Variants in ME1 observed in about 807,000 individuals in gnomAD.
ME1 encodes NADP-dependent malic enzyme.
Under a neutral mutation model 66.4 loss-of-function variants are expected in ME1, and 74 were observed. The observed-to-expected ratio is 1.11, with a 90% CI of 0.92 to 1.35. The LOEUF (loss-of-function observed/expected upper bound fraction) is 1.35. Among genes scored for constraint, ME1 ranks in the 40% most tolerant of loss-of-function variants. The probability of loss-of-function intolerance (pLI) is 0.00; values close to 1 mark genes in which losing one functional copy is unlikely to be tolerated. For synonymous variants in ME1, 251 were observed against 235.6 expected (o/e 1.07, Z -0.60); for missense variants, 750 against 694.1 (o/e 1.08, Z -0.90).
rs780517275 is a variant in ME1 at position 83,265,455 on chromosome 6, C to T, written c.705-11717G>A. Among the ~76,000 whole-genome samples, 157 of 151,958 alleles carry T rather than the reference C, an allele frequency of 1.0e-3. 3 individuals are homozygous for T. The highest frequency in any genetic ancestry group is 4.6e-4 in the Admixed American group (7 of 15,268). ...GGGACCACAGGAGTGTGCCACCATG[C>T]CTGGCTAATTTTTCTTTTAATGTTT... is the stretch of plus-strand genomic sequence containing the variant. On this transcript the variant is annotated intron_variant, in intron 6 of 13. Coordinates refer to ENST00000369705, the MANE Select transcript of ME1 (RefSeq NM_002395.6).
intron 3 of ME1, among the ~76,000 whole-genome samples, chr6:83,395,529 G>A (rs1330223661): frequency 1.1e-4 from 17 of 150,346 alleles, no homozygotes; most frequent in African/African-American, 4.2e-4. Context: ...AGGCTAGAGT[G>A]CAGTGGCGTG....
intron 6 of ME1, among the ~76,000 whole-genome samples, chr6:83,299,777 C>A (rs1434643331): frequency 6.6e-6 from 1 of 152,128 alleles, no homozygotes; most frequent in Non-Finnish European, 1.5e-5. Context: ...TATGTGACAT[C>A]AATACCTAGT....
rs776590730 is a variant in ME1 at position 83,430,881 on chromosome 6, T to G, written c.74A>C (p.Asn25Thr). Residue 25 changes from asparagine to threonine, a missense_variant, in exon 1 of 14, where the codon AAC becomes ACC. Asn to Thr is a moderately conservative substitution (Grantham distance 65). Coordinates refer to ENST00000369705, the MANE Select transcript of ME1 (RefSeq NM_002395.6). ...CAGGTGGGCCTGCGGGTTTACCTTG[T>G]TGAGGTGAGGGTTCCGTGTCAGCAG... ...GYLLTRNPHL[N>T]KDLAFTLEER... 7.5e-6 allele frequency: 12 copies of G among 1,601,864 alleles called. No individual in the cohort carries two copies. Among genetic ancestry groups the G allele is most frequent in the Non-Finnish European group, 1.0e-5 (12 of 1,174,540 alleles).
At chr6:83,415,434 T>C (rs1770141929) in intron 1 of ME1, among the ~76,000 whole-genome samples, 1 of 152,218 alleles carries the variant, frequency 6.6e-6, no homozygotes, top group African/African-American at 2.4e-5. Context: ...AGACAGGCAC[T>C]ATACTATTCA....
chr6:83,223,690 C>A, intron 12 of ME1, 70 bp downstream of exon 12: 1 of 1,420,194 alleles, frequency 7.0e-7, no homozygotes, highest in Admixed American at 2.0e-5. Context: ...ATAAATAAAA[C>A]ATTAGACAAC....
chr6:83,393,048 G>A, intron 3 of ME1: 1 of 1,357,314 alleles, frequency 7.4e-7, no homozygotes, highest in East Asian at 2.3e-5. Flanking sequence ...TGCTGCCAAG[G>A]CTGTGAGGAA....
At chr6:83,214,551 A>G (rs1331500344) in intron 13 of ME1, among the ~76,000 whole-genome samples, 2 of 152,146 alleles carry the variant, frequency 1.3e-5, no homozygotes, top group African/African-American at 4.8e-5. Flanking sequence ...GGAGTCTCTT[A>G]AAATCCTGAC....
intron 3 of ME1, among the ~76,000 whole-genome samples, chr6:83,353,730 T>C (rs936665683): frequency 2.6e-5 from 4 of 152,234 alleles, no homozygotes; most frequent in Non-Finnish European, 5.9e-5. Context: ...CTGAGTCCTT[T>C]TGACATGTCT....
intron 7 of ME1, among the ~76,000 whole-genome samples, chr6:83,248,757 G>T (rs1790668185): frequency 6.6e-6 from 1 of 152,180 alleles, no homozygotes; most frequent in South Asian, 2.1e-4. Context: ...TACGATGATT[G>T]TAAGTTTCCT....
At chr6:83,369,134 G>A (rs1377031438) in intron 3 of ME1, among the ~76,000 whole-genome samples, 1 of 151,942 alleles carries the variant, frequency 6.6e-6, no homozygotes, top group Non-Finnish European at 1.5e-5. Context: ...ACTCTTCCTT[G>A]TACTTCCAGG....
At chr6:83,359,315 G>T (rs1258788925) in intron 3 of ME1, among the ~76,000 whole-genome samples, 1 of 152,196 alleles carries the variant, frequency 6.6e-6, no homozygotes, top group Non-Finnish European at 1.5e-5. Context: ...GCCCCTAGAA[G>T]TGAGGTTGAA....
At chr6:83,316,926 C>T (rs1768045992) in intron 5 of ME1, among the ~76,000 whole-genome samples, 1 of 151,500 alleles carries the variant, frequency 6.6e-6, no homozygotes. Flanking sequence ...CTCAAAAAGA[C>T]TTAAATTGGG....
intron 6 of ME1, among the ~76,000 whole-genome samples, chr6:83,302,128 AG>A (rs1767736043): frequency 6.6e-6 from 1 of 152,252 alleles, no homozygotes; most frequent in Non-Finnish European, 1.5e-5. Context: ...GCCATAAAAA[AG>A]AATGAGATTA....
At chr6:83,343,614 T>A (rs1342268294) in intron 5 of ME1, among the ~76,000 whole-genome samples, 1 of 152,170 alleles carries the variant, frequency 6.6e-6, no homozygotes, top group East Asian at 1.9e-4. Flanking sequence ...GAACCAGACA[T>A]GTCTTAATAA....
intron 5 of ME1, among the ~76,000 whole-genome samples, chr6:83,341,152 G>A (rs1490770415): frequency 6.6e-6 from 1 of 152,010 alleles, no homozygotes; most frequent in Non-Finnish European, 1.5e-5. Flanking sequence ...AATCAATCAT[G>A]ACTAGGTAAT....
intron 8 of ME1, 109 bp from the exon 9 acceptor site, chr6:83,237,939 C>T (rs1790446525): frequency 3.7e-6 from 2 of 535,446 alleles, no homozygotes; most frequent in Admixed American, 3.6e-5. Flanking sequence ...ATTTTTGTCA[C>T]ATTTAGGTTA....
intron 6 of ME1, among the ~76,000 whole-genome samples, chr6:83,294,754 A>C (rs1767563354): frequency 6.6e-6 from 1 of 151,998 alleles, no homozygotes; most frequent in Admixed American, 6.6e-5. Context: ...TGTCTTCCAC[A>C]GTTCCCCCCG....
intron 6 of ME1, among the ~76,000 whole-genome samples, chr6:83,298,971 TA>T (rs1767660288): frequency 1.7e-5 from 2 of 121,152 alleles, no homozygotes; most frequent in African/African-American, 6.2e-5. Context: ...TTTTTTTTTT[TA>T]CCAGTACTAT....
chr6:83,424,925 T>C (rs1051865879), intron 1 of ME1, among the ~76,000 whole-genome samples: 73 of 152,320 alleles, frequency 4.8e-4, no homozygotes, highest in African/African-American at 1.7e-3. Context: ...ATTCTAAGCT[T>C]AAAGGGCCAA....
Sources: gnomAD v4.1 joint callset for allele counts (sites outside exome capture counted in the v4.1 genomes callset) on GRCh38, gnomAD v4.1.1 for gene constraint, MANE v1.5 for transcripts, NCBI Gene and HGNC (gene_info 2026-07-23, HGNC 2026-07-21) for gene names.